CAMKMT: variants seen among roughly 807,000 people sequenced by gnomAD.
CAMKMT encodes CaM KMT.
In CAMKMT, 53 loss-of-function variants were observed where a neutral mutation model predicts 48.0. That is an observed-to-expected ratio of 1.10 (90% CI 0.89 to 1.39). The LOEUF (loss-of-function observed/expected upper bound fraction) is 1.39, where lower values mean the gene tolerates loss of function less well. Among genes scored for constraint, CAMKMT ranks in the 40% most tolerant of loss-of-function variants. The pLI, the probability that CAMKMT is intolerant of heterozygous loss-of-function variation, is 0.00. For missense variants in CAMKMT, 428 were observed against 402.7 expected (o/e 1.06, Z -0.54); for synonymous variants, 165 against 152.3 (o/e 1.08, Z -0.61).
chr2:44,420,495 CT>C (rs933794465), intron 3 of CAMKMT, among the ~76,000 whole-genome samples: 5 of 151,936 alleles, frequency 3.3e-5, no homozygotes, highest in Non-Finnish European at 7.4e-5. Context: ...CTACAGTTGA[CT>C]TTTTTATTGA....
intron 3 of CAMKMT, among the ~76,000 whole-genome samples, chr2:44,610,241 G>A (rs999914638): frequency 2.6e-5 from 4 of 152,260 alleles, no homozygotes; most frequent in Non-Finnish European, 5.9e-5. Context: ...TTCCATGAGA[G>A]CTTATAGTCT....
At chr2:44,576,563 G>C (rs1204725456) in intron 3 of CAMKMT, among the ~76,000 whole-genome samples, 1 of 152,174 alleles carries the variant, frequency 6.6e-6, no homozygotes. Flanking sequence ...CAGCTTGTTA[G>C]ATTACATGAG....
intron 3 of CAMKMT, among the ~76,000 whole-genome samples, chr2:44,476,641 C>G (rs557864251): frequency 1.5e-4 from 18 of 118,962 alleles, no homozygotes; most frequent in African/African-American, 5.9e-4. Context: ...ATTTTATAAA[C>G]TAAATTACTT....
chr2:44,527,347 C>T (rs1666186023), intron 3 of CAMKMT, among the ~76,000 whole-genome samples: 1 of 140,460 alleles, frequency 7.1e-6, no homozygotes, highest in Non-Finnish European at 1.5e-5. Context: ...TACATATATA[C>T]ATATATAATA....
At chr2:44,654,360 A>T (rs1388864947) in intron 3 of CAMKMT, among the ~76,000 whole-genome samples, 2 of 151,828 alleles carry the variant, frequency 1.3e-5, no homozygotes, top group African/African-American at 2.4e-5. Context: ...ATACATATTC[A>T]TGGTAGAGAA....
chr2:44,559,384 C>A (rs1288134686), intron 3 of CAMKMT, among the ~76,000 whole-genome samples: 1 of 152,182 alleles, frequency 6.6e-6, no homozygotes, highest in Non-Finnish European at 1.5e-5. Context: ...AAATGTTCTT[C>A]ATCAAGAGCC....
At chr2:44,577,941 C>G (rs1226142214) in intron 3 of CAMKMT, among the ~76,000 whole-genome samples, 1 of 152,218 alleles carries the variant, frequency 6.6e-6, no homozygotes, top group African/African-American at 2.4e-5. Flanking sequence ...ATCATTTCTT[C>G]TTAAGTTTAT....
At chr2:44,473,441 T>G (rs1668525645) in intron 3 of CAMKMT, among the ~76,000 whole-genome samples, 1 of 152,216 alleles carries the variant, frequency 6.6e-6, no homozygotes, top group Admixed American at 6.5e-5. Flanking sequence ...CCAGAATTTT[T>G]TTTAAAAACA....
intron 3 of CAMKMT, among the ~76,000 whole-genome samples, chr2:44,501,064 G>GTT (rs1356092728): frequency 1.4e-5 from 2 of 143,502 alleles, no homozygotes; most frequent in Non-Finnish European, 1.5e-5. Flanking sequence ...ATATATTTTG[G>GTT]TTTTTTTTTT....
intron 1 of CAMKMT, among the ~76,000 whole-genome samples, chr2:44,362,548 C>T (rs1385344387): frequency 1.3e-5 from 2 of 152,134 alleles, no homozygotes; most frequent in African/African-American, 2.4e-5. Flanking sequence ...TTCGAGTTAC[C>T]GATATTCGTC....
intron 3 of CAMKMT, among the ~76,000 whole-genome samples, chr2:44,476,715 A>T (rs1176125490): frequency 6.6e-6 from 1 of 152,160 alleles, no homozygotes; most frequent in Non-Finnish European, 1.5e-5. Context: ...TCTGGAATTG[A>T]ATTAAATTAT....
chr2:44,387,576 GT>G (rs987600969), intron 2 of CAMKMT, among the ~76,000 whole-genome samples: 4 of 149,200 alleles, frequency 2.7e-5, no homozygotes, highest in East Asian at 2.0e-4. Flanking sequence ...TGAGTACTTT[GT>G]TTTTTTTTGT....
chr2:44,364,548 G>T (rs942786937), intron 1 of CAMKMT, among the ~76,000 whole-genome samples: 1 of 152,106 alleles, frequency 6.6e-6, no homozygotes, highest in Non-Finnish European at 1.5e-5. Flanking sequence ...CCTAGCACAG[G>T]GCCTGGTTAA....
chr2:44,450,289 T>A (rs1667222267), intron 3 of CAMKMT, among the ~76,000 whole-genome samples: 1 of 152,172 alleles, frequency 6.6e-6, no homozygotes, highest in South Asian at 2.1e-4. Flanking sequence ...CTGTCTTCCA[T>A]GTGCCTTGAA....
intron 3 of CAMKMT, among the ~76,000 whole-genome samples, chr2:44,437,697 A>G (rs1367031020): frequency 6.6e-6 from 1 of 151,990 alleles, no homozygotes; most frequent in African/African-American, 2.4e-5. Flanking sequence ...ATAATTATAA[A>G]AATCATTTGG....
At chr2:44,430,500 A>T (rs1413584626) in intron 3 of CAMKMT, among the ~76,000 whole-genome samples, 1 of 151,286 alleles carries the variant, frequency 6.6e-6, no homozygotes, top group Non-Finnish European at 1.5e-5. Context: ...TTGGACTTGC[A>T]TACTAGACCC....
chr2:44,476,403 A>G (rs1214598800), intron 3 of CAMKMT, among the ~76,000 whole-genome samples: 2 of 152,172 alleles, frequency 1.3e-5, no homozygotes, highest in Non-Finnish European at 2.9e-5. Flanking sequence ...AATGGGATAC[A>G]TAGTGACTTT....
intron 7 of CAMKMT, among the ~76,000 whole-genome samples, chr2:44,717,284 C>G (rs1678224263): frequency 6.6e-6 from 1 of 151,876 alleles, no homozygotes; most frequent in African/African-American, 2.4e-5. Context: ...TGGTCAGTTT[C>G]TTTTCTTTTG....
chr2:44,465,849 C>T (rs1438289231), intron 3 of CAMKMT, among the ~76,000 whole-genome samples: 2 of 152,082 alleles, frequency 1.3e-5, no homozygotes, highest in African/African-American at 4.8e-5. Context: ...GAAAAAGATA[C>T]TCCATGCAAA....
Sources: allele counts gnomAD v4.1 joint callset (sites outside exome capture counted in the v4.1 genomes callset), GRCh38; gene constraint gnomAD v4.1.1; transcripts MANE v1.5; gene names NCBI Gene and HGNC (gene_info 2026-07-23, HGNC 2026-07-21).